The following RSPH14 variants were observed in gnomAD, a reference collection of about 807,000 sequenced individuals.
The protein encoded by RSPH14 is rhabdoid tumor deletion region gene 1.
RSPH14 carries 20 observed loss-of-function variants against 26.7 expected under a neutral mutation model. The ratio of observed to expected loss-of-function variants is 0.75; its 90% CI spans 0.53 to 1.09. The LOEUF is 1.09. RSPH14 is among the 50% of genes least tolerant of loss of function. The pLI, the probability that RSPH14 is intolerant of heterozygous loss-of-function variation, is 0.00. For synonymous variants in RSPH14, 177 were observed against 189.3 expected (o/e 0.93, Z 0.53); for missense variants, 449 against 457.2 (o/e 0.98, Z 0.16).
At chr22:23,107,830 A>G (rs535849072) in intron 4 of RSPH14, among the ~76,000 whole-genome samples, 32 of 152,310 alleles carry the variant, frequency 2.1e-4, no homozygotes, top group Admixed American at 1.1e-3. Context: ...CTGCTTATCA[A>G]ATGCCTCTTC....
chr22:23,099,493 T>A (rs1253039404), intron 4 of RSPH14, among the ~76,000 whole-genome samples: 1 of 151,506 alleles, frequency 6.6e-6, no homozygotes, highest in African/African-American at 2.4e-5. Context: ...CACAAGGGGG[T>A]TTTTCTGGCG....
intron 4 of RSPH14, chr22:23,095,993 C>T (rs777109231): frequency 2.5e-5 from 40 of 1,609,448 alleles, no homozygotes; most frequent in Non-Finnish European, 3.1e-5. Flanking sequence ...CAACCCCGAC[C>T]GCGCCTACGA....
chr22:23,179,033 C>A, the RSPH14 span, among the ~76,000 whole-genome samples: 1 of 152,180 alleles, frequency 6.6e-6, no homozygotes, highest in South Asian at 2.1e-4. Context: ...AAAACTGAGG[C>A]TCAGAGAGGC....
upstream of RSPH14, chr22:23,145,552 G>GT: frequency 6.3e-7 from 1 of 1,599,650 alleles, no homozygotes; most frequent in Non-Finnish European, 8.5e-7. Context: ...GCCATCGCTG[G>GT]TGAGTCAGCT....
At chr22:23,145,242 G>GCCCCCCCCCCCCCCCCCC, upstream of RSPH14, 2 of 837,616 alleles carry the variant, frequency 2.4e-6, no homozygotes, top group South Asian at 1.6e-5. Context: ...GGCCTCCATA[G>GCCCCCCCCCCCCCCCCCC]CCCCGCCCAC....
the RSPH14 span, among the ~76,000 whole-genome samples, chr22:23,155,273 T>C: frequency 6.6e-6 from 1 of 152,262 alleles, no homozygotes; most frequent in Non-Finnish European, 1.5e-5. Context: ...GCATAGTGAC[T>C]ACCTGCCTTG....
chr22:23,154,634 T>C, the RSPH14 span, among the ~76,000 whole-genome samples: 1 of 152,176 alleles, frequency 6.6e-6, no homozygotes, highest in Non-Finnish European at 1.5e-5. Flanking sequence ...TAGAGGGCCC[T>C]GGACAAAACA....
intron 4 of RSPH14, among the ~76,000 whole-genome samples, chr22:23,066,935 C>T (rs1387834925): frequency 2.0e-5 from 3 of 152,140 alleles, no homozygotes; most frequent in Non-Finnish European, 4.4e-5. Context: ...CAGGTCACTA[C>T]AGAACAGGTT....
At chr22:23,076,642 C>T (rs1447201572) in intron 4 of RSPH14, among the ~76,000 whole-genome samples, 1 of 152,234 alleles carries the variant, frequency 6.6e-6, no homozygotes, top group African/African-American at 2.4e-5. Context: ...CCGGGCCACT[C>T]AGTGATGCAA....
intron 1 of RSPH14, 35 bp from the exon 2 acceptor site, chr22:23,140,507 T>C: frequency 6.6e-7 from 1 of 1,525,274 alleles, no homozygotes; most frequent in South Asian, 1.2e-5. Context: ...TTATTTCTAT[T>C]ATGATTTAAA....
At chr22:23,095,706 G>T in intron 4 of RSPH14, 1 of 1,605,996 alleles carries the variant, frequency 6.2e-7, no homozygotes, top group South Asian at 1.1e-5. Flanking sequence ...ATGGGATGTC[G>T]GCAAAGCTCA....
chr22:23,162,579 A>C, the RSPH14 span: 1 of 451,606 alleles, frequency 2.2e-6, no homozygotes, highest in Non-Finnish European at 4.5e-6. Flanking sequence ...CATGCAGAGC[A>C]GACAGAAATA....
chr22:23,092,902 G>T (rs1439181003), intron 4 of RSPH14, among the ~76,000 whole-genome samples: 1 of 152,208 alleles, frequency 6.6e-6, no homozygotes. Flanking sequence ...CCTCCCACTG[G>T]GTTGGACACT....
At chr22:23,092,863 GAGA>G (rs1349397951) in intron 4 of RSPH14, among the ~76,000 whole-genome samples, 1 of 152,240 alleles carries the variant, frequency 6.6e-6, no homozygotes, top group Non-Finnish European at 1.5e-5. Flanking sequence ...ACGTGGAATT[GAGA>G]AGAACAGTCA....
intron 5 of RSPH14, among the ~76,000 whole-genome samples, chr22:23,063,543 C>A (rs1049377867): frequency 6.6e-6 from 1 of 152,194 alleles, no homozygotes; most frequent in Non-Finnish European, 1.5e-5. Flanking sequence ...CCTGGAGGGT[C>A]GCCTAAATGT....
intron 4 of RSPH14, among the ~76,000 whole-genome samples, chr22:23,121,231 G>A (rs1458702621): frequency 6.6e-6 from 1 of 152,172 alleles, no homozygotes; most frequent in African/African-American, 2.4e-5. Flanking sequence ...CTGTTATTCC[G>A]AAGCTCATTC....
the RSPH14 span, among the ~76,000 whole-genome samples, chr22:23,165,207 C>T: frequency 6.6e-6 from 1 of 152,218 alleles, no homozygotes; most frequent in Non-Finnish European, 1.5e-5. Flanking sequence ...GTAAAGAAGG[C>T]AGGGAAGCAA....
intron 4 of RSPH14, among the ~76,000 whole-genome samples, chr22:23,080,409 A>G (rs2068643059): frequency 1.3e-5 from 2 of 152,096 alleles, no homozygotes; most frequent in African/African-American, 4.8e-5. Context: ...GCAGAAGGAC[A>G]CTGGGAGGCC....
At chr22:23,178,361 A>T in the RSPH14 span, among the ~76,000 whole-genome samples, 1 of 151,564 alleles carries the variant, frequency 6.6e-6, no homozygotes, top group African/African-American at 2.4e-5. Flanking sequence ...GGTTGCGGTG[A>T]GCAGAGATCA....
Sources: gnomAD v4.1 joint callset for allele counts (sites outside exome capture counted in the v4.1 genomes callset) on GRCh38, gnomAD v4.1.1 for gene constraint, MANE v1.5 for transcripts, NCBI Gene and HGNC (gene_info 2026-07-23, HGNC 2026-07-21) for gene names.